PRICKLE1: variants seen among roughly 807,000 people sequenced by gnomAD.
The protein encoded by PRICKLE1 is prickle-like protein 1.
PRICKLE1 carries 14 observed loss-of-function variants against 70.2 expected under a neutral mutation model. The observed-to-expected ratio is 0.20, with a 90% CI of 0.13 to 0.31. The LOEUF is 0.31. Ranked by LOEUF, PRICKLE1 falls within the 10% of genes least tolerant of loss-of-function variation. PRICKLE1 has a pLI of 1.00. For synonymous variants in PRICKLE1, 357 were observed against 379.9 expected, an observed-to-expected ratio of 0.94 and a Z score of 0.70; for missense variants, 821 against 1,026.2, an observed-to-expected ratio of 0.80 and a Z score of 2.73.
At chr12:42,483,857 G>A (rs56996689) in intron 1 of PRICKLE1, 1 of 151,544 alleles carries the variant, frequency 6.6e-6, no homozygotes, top group African/African-American at 2.4e-5. Context: ...CTGCTCCCCC[G>A]GGTTGGAGTC....
intron 1 of PRICKLE1, among the ~76,000 whole-genome samples, chr12:42,513,911 T>C (rs1447661885): frequency 6.6e-6 from 1 of 151,986 alleles, no homozygotes; most frequent in Non-Finnish European, 1.5e-5. Context: ...GCAGGAGAAC[T>C]GCTTGAACCC....
chr12:42,469,754 T>C, intron 3 of PRICKLE1, 167 bp from the exon 4 acceptor site: 1 of 782,426 alleles, frequency 1.3e-6, no homozygotes, highest in Non-Finnish European at 2.1e-6. Flanking sequence ...ACAGCCTCTC[T>C]AGAAAAAGGG....
intron 1 of PRICKLE1, among the ~76,000 whole-genome samples, chr12:42,502,648 C>T (rs962541669): frequency 6.6e-6 from 1 of 152,122 alleles, no homozygotes; most frequent in African/African-American, 2.4e-5. Flanking sequence ...TTCTCTTCTC[C>T]TTTCTACTTT....
intron 1 of PRICKLE1, among the ~76,000 whole-genome samples, chr12:42,514,344 T>C (rs74319257): frequency 0.034 from 5,197 of 152,260 alleles, 284 homozygotes; most frequent in African/African-American, 0.12. Flanking sequence ...CAGAAAATGA[T>C]TAAACCTCCA....
rs141713394 is a variant in PRICKLE1 at position 42,586,017 on chromosome 12, T to A, written c.-49+3448A>T. 2.0e-3 allele frequency among the ~76,000 whole-genome samples: 302 copies of A among 152,222 alleles called. 1 individual carries two copies. Among genetic ancestry groups the A allele is most frequent in the African/African-American group, 6.8e-3 (283 of 41,518 alleles). On this transcript the variant is annotated intron_variant, in intron 1 of 7. Coordinates refer to ENST00000345127, the MANE Select transcript of PRICKLE1 (RefSeq NM_153026.3). ...GACTTGGTGCCCAGATTACTGTACT[T>A]CCCTCTCTCAACTTGCTTGCTCACA...
At chr12:42,568,927 T>C (rs892643695) in intron 1 of PRICKLE1, among the ~76,000 whole-genome samples, 2 of 152,184 alleles carry the variant, frequency 1.3e-5, no homozygotes, top group African/African-American at 4.8e-5. Context: ...AAAAAATCCA[T>C]AATCCATAGT....
At chr12:42,469,305 A>G in intron 4 of PRICKLE1, 145 bp downstream of exon 4, 1 of 891,018 alleles carries the variant, frequency 1.1e-6, no homozygotes, top group Non-Finnish European at 1.8e-6. Flanking sequence ...ATGATTTGCT[A>G]TTTAATAAAA....
intron 1 of PRICKLE1, among the ~76,000 whole-genome samples, chr12:42,501,171 A>G (rs1251760534): frequency 6.6e-6 from 1 of 151,914 alleles, no homozygotes; most frequent in Non-Finnish European, 1.5e-5. Context: ...TGATATGGCT[A>G]GACAATCTCT....
chr12:42,565,187 T>C (rs1156336175), intron 1 of PRICKLE1, among the ~76,000 whole-genome samples: 3 of 152,140 alleles, frequency 2.0e-5, no homozygotes, highest in Non-Finnish European at 4.4e-5. Context: ...ACAGCACATC[T>C]GGGGTAGAGC....
chr12:42,484,133 C>T (rs1938922285), intron 1 of PRICKLE1: 1 of 151,486 alleles, frequency 6.6e-6, no homozygotes, highest in African/African-American at 2.4e-5. Context: ...GGCGCCTGCC[C>T]AGCCTGCTCC....
At chr12:42,567,796 CA>C (rs34315516) in intron 1 of PRICKLE1, among the ~76,000 whole-genome samples, 35,447 of 118,016 alleles carry the variant, frequency 0.3, 4,594 homozygotes, top group East Asian at 0.44. Context: ...CACTTCATCT[CA>C]AAAAAAAAAA....
chr12:42,495,474 C>G (rs1041111723), intron 1 of PRICKLE1, among the ~76,000 whole-genome samples: 1 of 152,000 alleles, frequency 6.6e-6, no homozygotes, highest in Non-Finnish European at 1.5e-5. Flanking sequence ...TGGCCTGAGC[C>G]TCTCACCTCA....
intron 1 of PRICKLE1, among the ~76,000 whole-genome samples, chr12:42,534,390 G>A (rs1939982328): frequency 6.6e-6 from 1 of 152,184 alleles, no homozygotes; most frequent in African/African-American, 2.4e-5. Flanking sequence ...ACTATGATAA[G>A]GGAGTGGGAG....
At chr12:42,547,688 G>T (rs961731485) in intron 1 of PRICKLE1, among the ~76,000 whole-genome samples, 1 of 152,124 alleles carries the variant, frequency 6.6e-6, no homozygotes, top group Admixed American at 6.5e-5. Flanking sequence ...TTAAAAGCTA[G>T]GAGCTGGATA....
intron 1 of PRICKLE1, among the ~76,000 whole-genome samples, chr12:42,556,562 G>A (rs1386212635): frequency 1.3e-5 from 2 of 152,154 alleles, no homozygotes; most frequent in African/African-American, 4.8e-5. Context: ...TTGAGCTCCA[G>A]GCCTGTGCTC....
At chr12:42,489,031 C>G (rs563406994) in intron 1 of PRICKLE1, among the ~76,000 whole-genome samples, 1 of 151,388 alleles carries the variant, frequency 6.6e-6, no homozygotes, top group Admixed American at 6.6e-5. Context: ...TCAAGCGATT[C>G]TCCTGCCTCA....
chr12:42,470,201 AT>A (rs753167155), intron 3 of PRICKLE1, 44 bp downstream of exon 3: 1 of 1,374,626 alleles, frequency 7.3e-7, no homozygotes, highest in Non-Finnish European at 1.0e-6. Context: ...CTTCTCATGC[AT>A]TTTTTCTTCT....
At chr12:42,527,958 T>C (rs1237677594) in intron 1 of PRICKLE1, among the ~76,000 whole-genome samples, 499 of 13,674 alleles carry the variant, frequency 0.036, 18 homozygotes, top group African/African-American at 0.067. Flanking sequence ...TATATATATA[T>C]ATATATATAT....
At chr12:42,461,924 G>A (rs551256703) in intron 7 of PRICKLE1, among the ~76,000 whole-genome samples, 6 of 151,982 alleles carry the variant, frequency 3.9e-5, no homozygotes, top group East Asian at 3.9e-4. Flanking sequence ...TCAGCCTCCC[G>A]AGTAGCTGGG....
Sources: gnomAD v4.1 joint callset for allele counts (sites outside exome capture counted in the v4.1 genomes callset) on GRCh38, gnomAD v4.1.1 for gene constraint, MANE v1.5 for transcripts, NCBI Gene and HGNC (gene_info 2026-07-23, HGNC 2026-07-21) for gene names.